The following RNF13 variants were observed in gnomAD, a reference collection of about 807,000 sequenced individuals.
RNF13 encodes the protein ring finger protein 13, also known as E3 ubiquitin-protein ligase RNF13.
RNF13 carries 19 observed loss-of-function variants against 37.7 expected under a neutral mutation model. The ratio of observed to expected loss-of-function variants is 0.50; its 90% confidence interval spans 0.35 to 0.74. RNF13 has a LOEUF of 0.74. RNF13 is among the 30% of genes least tolerant of loss of function. RNF13 has a pLI of 0.01. For missense variants in RNF13, 375 were observed against 453.0 expected, an observed-to-expected ratio of 0.83 and a Z score of 1.56; for synonymous variants, 144 against 157.8, an observed-to-expected ratio of 0.91 and a Z score of 0.65.
chr3:149,863,992 G>A (rs182402929), intron 3 of RNF13, among the ~76,000 whole-genome samples: 38 of 139,338 alleles, frequency 2.7e-4, no homozygotes, highest in African/African-American at 9.9e-4. Flanking sequence ...AGCTGGAATG[G>A]CAATGTTTGA....
rs755263616 is a variant in RNF13, at chr3:149,839,626, T to C, written c.-16-6385T>C. ...CTTACTCACTCTCATGAGAATAGCATGGGAAAGACCTGCCCCCATGATTCA... is the reference window on the plus strand; with the variant it reads ...CTTACTCACTCTCATGAGAATAGCACGGGAAAGACCTGCCCCCATGATTCA... On this transcript the variant is annotated intron_variant, in intron 1 of 9. Transcript: ENST00000392894. Among the ~76,000 whole-genome samples the C allele has an allele frequency of 2.2e-3, 332 of 152,224 alleles. 1 individual carries two copies. The highest frequency in any genetic ancestry group is 3.7e-3 in the Non-Finnish European group (249 of 68,008).
chr3:149,929,824 G>C (rs941351736), intron 8 of RNF13, among the ~76,000 whole-genome samples: 5 of 152,172 alleles, frequency 3.3e-5, no homozygotes, highest in African/African-American at 9.7e-5. Context: ...TCCACTGTTA[G>C]AGAGCAGTTG....
chr3:149,960,489 G>T (rs1722290132), intron 9 of RNF13, among the ~76,000 whole-genome samples: 1 of 152,060 alleles, frequency 6.6e-6, no homozygotes, highest in African/African-American at 2.4e-5. Context: ...CTACTAGGGA[G>T]GCTGAGGCAG....
chr3:149,867,646 T>A lies in RNF13; in HGVS notation c.196-4383T>A, dbSNP rs180926613. On this transcript the variant is annotated intron_variant, in intron 3 of 9. Transcript: ENST00000392894. ...ATAGCTACTACTGGAATTTCATTTTTCACTCTTCACTTTTGGACTATGTGT... is the reference window on the plus strand; with the variant it reads ...ATAGCTACTACTGGAATTTCATTTTACACTCTTCACTTTTGGACTATGTGT... 2.5e-3 allele frequency among the ~76,000 whole-genome samples: 384 copies of A among 151,984 alleles called. 4 individuals carry two copies. The highest frequency in any genetic ancestry group is 8.6e-3 in the African/African-American group (357 of 41,540).
At chr3:149,847,606 G>A (rs1017478606) in intron 2 of RNF13, among the ~76,000 whole-genome samples, 1 of 151,822 alleles carries the variant, frequency 6.6e-6, no homozygotes, top group Non-Finnish European at 1.5e-5. Flanking sequence ...GGTTTGTTTT[G>A]GGGAATAGTC....
intron 5 of RNF13, 148 bp downstream of exon 5, chr3:149,895,708 T>G: frequency 2.0e-6 from 1 of 505,280 alleles, no homozygotes. Flanking sequence ...CTGGATGATT[T>G]TATTCATAGT....
chr3:149,915,955 C>G (rs183246550), intron 7 of RNF13, among the ~76,000 whole-genome samples: 1 of 152,158 alleles, frequency 6.6e-6, no homozygotes, highest in Non-Finnish European at 1.5e-5. Context: ...CTTAAGCCAT[C>G]GAACTGTACA....
At chr3:149,832,560 C>G (rs1215503397) in intron 1 of RNF13, among the ~76,000 whole-genome samples, 1 of 151,896 alleles carries the variant, frequency 6.6e-6, no homozygotes, top group African/African-American at 2.4e-5. Context: ...CTCATTTTCT[C>G]AAAAATGAGG....
chr3:149,871,035 ATTTTTTT>A (rs144707628), intron 3 of RNF13, among the ~76,000 whole-genome samples: 21 of 121,276 alleles, frequency 1.7e-4, no homozygotes, highest in African/African-American at 6.5e-4. Context: ...CTGTTACCAG[ATTTTTTT>A]TTTTTTTTTT....
At chr3:149,823,906 G>GT (rs1165640229) in intron 1 of RNF13, among the ~76,000 whole-genome samples, 1 of 152,082 alleles carries the variant, frequency 6.6e-6, no homozygotes, top group East Asian at 1.9e-4. Flanking sequence ...TTGAGAGAAA[G>GT]TTGTTTCTCT....
intron 1 of RNF13, among the ~76,000 whole-genome samples, chr3:149,832,021 AG>A (rs1433556274): frequency 2.6e-5 from 4 of 152,232 alleles, no homozygotes; most frequent in African/African-American, 9.7e-5. Context: ...CCACTAAAAT[AG>A]TTAATTAATT....
At chr3:149,902,415 A>T (rs1031563344) in intron 6 of RNF13, among the ~76,000 whole-genome samples, 5 of 152,068 alleles carry the variant, frequency 3.3e-5, no homozygotes, top group African/African-American at 1.2e-4. Flanking sequence ...ATAACTTTTC[A>T]TTTTGAAGTT....
chr3:149,863,270 G>A (rs900549109), intron 3 of RNF13, among the ~76,000 whole-genome samples: 1 of 152,326 alleles, frequency 6.6e-6, no homozygotes, highest in East Asian at 1.9e-4. Flanking sequence ...GGCAAGTGCT[G>A]TGGTAAGTAA....
intron 6 of RNF13, among the ~76,000 whole-genome samples, chr3:149,910,740 G>A (rs1021481804): frequency 3.3e-5 from 5 of 152,130 alleles, no homozygotes; most frequent in Admixed American, 6.5e-5. Flanking sequence ...TGCTGGCACC[G>A]TACTAGTCTA....
At position 149,836,930 on chromosome 3, in the gene RNF13, T is replaced by A. The variant is rs567688710; in HGVS notation, c.-16-9081T>A. ...GTATGATTCCACTTATATTAGGTAGTTAGAGTAGTTGAATTTATAGAAACA... is the reference window on the plus strand; with the variant it reads ...GTATGATTCCACTTATATTAGGTAGATAGAGTAGTTGAATTTATAGAAACA... On this transcript the variant is annotated intron_variant, in intron 1 of 9. Transcript: ENST00000392894. Among the ~76,000 whole-genome samples, 26 of 152,328 alleles carry A rather than the reference T, an allele frequency of 1.7e-4. No homozygotes were observed. The South Asian group carries it at 5.4e-3, about 32-fold the overall frequency.
rs762241799 is a variant in RNF13 at position 149,960,987 on chromosome 3, AGAC to A, written c.1033_1035del (p.Asp345del). On this transcript the variant is annotated inframe_deletion, in exon 10 of 10. Transcript: ENST00000392894. ...TGACAGAATCTTCAGACTATGAGGAAGACGACAATGAAGATACTGACAGTAGTG... is the reference window on the plus strand; with the variant it reads ...TGACAGAATCTTCAGACTATGAGGAAGACAATGAAGATACTGACAGTAGTG... 1 of 1,614,242 alleles carries A rather than the reference AGAC, an allele frequency of 6.2e-7. No homozygotes were observed. Among genetic ancestry groups the A allele is most frequent in the Non-Finnish European group, 8.5e-7 (1 of 1,180,034 alleles).
chr3:149,906,327 G>A (rs1716395185), intron 6 of RNF13, among the ~76,000 whole-genome samples: 1 of 151,508 alleles, frequency 6.6e-6, no homozygotes, highest in South Asian at 2.1e-4. Flanking sequence ...ATGTGCATAT[G>A]TTTTTATTTC....
intron 4 of RNF13, among the ~76,000 whole-genome samples, chr3:149,889,717 C>T (rs186912248): frequency 2.1e-5 from 3 of 139,960 alleles, no homozygotes; most frequent in Admixed American, 7.4e-5. Flanking sequence ...TGTAGTGGTG[C>T]GATCTCGGCT....
chr3:149,880,831 A>G (rs370687560), intron 4 of RNF13, among the ~76,000 whole-genome samples: 20 of 152,250 alleles, frequency 1.3e-4, no homozygotes, highest in African/African-American at 3.9e-4. Flanking sequence ...AAAGGCATCA[A>G]TCTTTTTTCT....
Sources: gnomAD v4.1 joint callset for allele counts (sites outside exome capture counted in the v4.1 genomes callset) on GRCh38, gnomAD v4.1.1 for gene constraint, MANE v1.5 for transcripts, NCBI Gene and HGNC (gene_info 2026-07-23, HGNC 2026-07-21) for gene names.